BMPR1B: variants seen among roughly 807,000 people sequenced by gnomAD.
BMPR1B encodes bone morphogenetic protein receptor type-1B.
Under a neutral mutation model 59.1 loss-of-function variants are expected in BMPR1B, and 12 were observed. The observed-to-expected ratio is 0.20, with a 90% CI of 0.13 to 0.33. BMPR1B has a LOEUF of 0.33. Among genes scored for constraint, BMPR1B ranks in the 10% least tolerant of loss-of-function variants. The pLI is 1.00. For missense variants in BMPR1B, 550 were observed against 610.9 expected (o/e 0.90, Z 1.05); for synonymous variants, 237 against 207.3 (o/e 1.14, Z -1.23).
At chr4:94,945,916 C>T (rs9307150) in intron 2 of BMPR1B, among the ~76,000 whole-genome samples, 37,466 of 151,800 alleles carry the variant, frequency 0.25, 4,654 homozygotes, top group South Asian at 0.36. Flanking sequence ...AACTATATAC[C>T]TTCCATGTGT....
rs555693023 is a variant in BMPR1B at position 95,031,135 on chromosome 4, A to G, written c.-18+35001A>G. 5.3e-5 allele frequency among the ~76,000 whole-genome samples: 8 copies of G among 152,336 alleles called. No individual in the cohort carries two copies. In the East Asian group the frequency reaches 1.2e-3, roughly 22 times the overall value. ...ACTTCAAACTATACTACAAGGCTAC[A>G]GTAACCAAAACAGCATGGTACTGGT... On this transcript the variant is annotated intron_variant, in intron 3 of 12. Transcript: ENST00000515059.
chr4:95,095,490 A>C lies in BMPR1B; in HGVS notation c.-17-8918A>C, dbSNP rs138536692. 1.5e-3 allele frequency among the ~76,000 whole-genome samples: 229 copies of C among 152,148 alleles called. 4 individuals carry two copies. In the East Asian group the frequency reaches 0.039, roughly 26 times the overall value. On this transcript the variant is annotated intron_variant, in intron 3 of 12. Coordinates refer to ENST00000515059, the MANE Select transcript of BMPR1B (RefSeq NM_001203.3). ...TCTTCCACTAACCTCTTTACCCTGG[A>C]CATTTAAAGTGCAAACTTGTGTAAT... is the stretch of plus-strand genomic sequence containing the variant.
At chr4:95,078,713 A>G (rs1182791101) in intron 3 of BMPR1B, among the ~76,000 whole-genome samples, 1 of 152,200 alleles carries the variant, frequency 6.6e-6, no homozygotes, top group Admixed American at 6.5e-5. Flanking sequence ...TATCTAAAAC[A>G]TAATTTAAAT....
intron 8 of BMPR1B, among the ~76,000 whole-genome samples, chr4:95,126,827 T>A (rs1261488568): frequency 3.3e-5 from 5 of 152,190 alleles, no homozygotes; most frequent in Non-Finnish European, 7.3e-5. Context: ...TATATTGATA[T>A]GTGAGTGAAT....
intron 1 of BMPR1B, among the ~76,000 whole-genome samples, chr4:94,790,682 A>G (rs1332985686): frequency 1.3e-5 from 2 of 152,200 alleles, no homozygotes; most frequent in African/African-American, 2.4e-5. Context: ...ATCTTCCTAC[A>G]GTTAATTGAG....
chr4:94,928,067 A>C (rs1382435234), intron 2 of BMPR1B, among the ~76,000 whole-genome samples: 1 of 152,040 alleles, frequency 6.6e-6, no homozygotes, highest in Non-Finnish European at 1.5e-5. Context: ...ATTTGGTAAA[A>C]GTGCTTTTTC....
chr4:95,067,943 G>A (rs1727970545), intron 3 of BMPR1B, among the ~76,000 whole-genome samples: 2 of 152,152 alleles, frequency 1.3e-5, no homozygotes, highest in Admixed American at 1.3e-4. Flanking sequence ...GGATGATAAG[G>A]CATTTAGAGG....
intron 2 of BMPR1B, among the ~76,000 whole-genome samples, chr4:94,887,569 A>G (rs953529263): frequency 2.0e-5 from 3 of 151,884 alleles, no homozygotes; most frequent in Non-Finnish European, 2.9e-5. Flanking sequence ...ACTGTATTGA[A>G]CTTGGTAAAT....
At chr4:95,014,811 A>T (rs769946098) in intron 3 of BMPR1B, among the ~76,000 whole-genome samples, 2 of 152,134 alleles carry the variant, frequency 1.3e-5, no homozygotes, top group Non-Finnish European at 1.5e-5. Flanking sequence ...CCTTTTTGAG[A>T]TGTCGTTATT....
intron 10 of BMPR1B, among the ~76,000 whole-genome samples, chr4:95,135,264 G>A (rs1733684088): frequency 6.6e-6 from 1 of 152,120 alleles, no homozygotes; most frequent in Admixed American, 6.5e-5. Flanking sequence ...GGTTACTGTA[G>A]CCTTGTAGTA....
intron 2 of BMPR1B, among the ~76,000 whole-genome samples, chr4:94,925,207 C>T (rs116413678): frequency 7.6e-4 from 116 of 152,156 alleles, no homozygotes; most frequent in African/African-American, 2.6e-3. Flanking sequence ...TCCTCCCATA[C>T]CAGCAGCATA....
chr4:95,144,309 G>A (rs994964990), intron 10 of BMPR1B, among the ~76,000 whole-genome samples: 1 of 151,956 alleles, frequency 6.6e-6, no homozygotes, highest in East Asian at 1.9e-4. Flanking sequence ...CAAGTAGCTG[G>A]GGCTACAGGC....
chr4:95,000,412 A>AG (rs1722358979), intron 3 of BMPR1B, among the ~76,000 whole-genome samples: 1 of 152,084 alleles, frequency 6.6e-6, no homozygotes, highest in South Asian at 2.1e-4. Flanking sequence ...GAGGCTGAGC[A>AG]GGAGAATTGC....
intron 1 of BMPR1B, among the ~76,000 whole-genome samples, chr4:94,856,838 T>G (rs1725777085): frequency 6.6e-6 from 1 of 152,184 alleles, no homozygotes; most frequent in African/African-American, 2.4e-5. Context: ...GAAAGCACAT[T>G]TTTTGAAATA....
chr4:94,880,426 A>G (rs1249356511), intron 2 of BMPR1B, among the ~76,000 whole-genome samples: 3 of 152,004 alleles, frequency 2.0e-5, no homozygotes, highest in South Asian at 2.1e-4. Flanking sequence ...CTGGGCAGCA[A>G]TCCTCCCACC....
chr4:95,052,111 CT>C (rs1726549725), intron 3 of BMPR1B, among the ~76,000 whole-genome samples: 1 of 152,072 alleles, frequency 6.6e-6, no homozygotes, highest in Non-Finnish European at 1.5e-5. Flanking sequence ...TTCTAACAAA[CT>C]TTTTTCTGAT....
chr4:94,781,177 T>A (rs1157500498), intron 1 of BMPR1B, among the ~76,000 whole-genome samples: 1 of 152,170 alleles, frequency 6.6e-6, no homozygotes, highest in Non-Finnish European at 1.5e-5. Context: ...TTGAGTTATT[T>A]ATCTTTTTGT....
chr4:95,029,703 A>G lies in BMPR1B; in HGVS notation c.-18+33569A>G, dbSNP rs148388208. On this transcript the variant is annotated intron_variant, in intron 3 of 12. Transcript: ENST00000515059. ...AGGAATCGCCACACTGACTTCCATA[A>G]TGGTGGAACTAGTTTACAGTCCCAC... Among the ~76,000 whole-genome samples, 825 of 152,254 alleles carry G rather than the reference A, an allele frequency of 5.4e-3. 7 individuals carry two copies. Among genetic ancestry groups the G allele is most frequent in the Non-Finnish European group, 8.9e-3 (606 of 68,030 alleles).
chr4:94,778,130 A>C (rs983594306), intron 1 of BMPR1B, among the ~76,000 whole-genome samples: 1 of 152,188 alleles, frequency 6.6e-6, no homozygotes, highest in African/African-American at 2.4e-5. Context: ...TTGTACATCC[A>C]ATAGTCAGCT....
Sources: allele counts gnomAD v4.1 joint callset (sites outside exome capture counted in the v4.1 genomes callset), GRCh38; gene constraint gnomAD v4.1.1; transcripts MANE v1.5; gene names NCBI Gene and HGNC (gene_info 2026-07-23, HGNC 2026-07-21).